ASCC3: variants seen among roughly 807,000 people sequenced by gnomAD.
The protein encoded by ASCC3 is activating signal cointegrator 1 complex subunit 3.
In ASCC3, 158 loss-of-function variants were observed where a neutral mutation model predicts 256.3. That is an observed-to-expected ratio of 0.62 (90% CI 0.54 to 0.70). The LOEUF is 0.70. Among genes scored for constraint, ASCC3 ranks in the 30% least tolerant of loss-of-function variants. The pLI, the probability that ASCC3 is intolerant of heterozygous loss-of-function variation, is 0.00. For synonymous variants in ASCC3, 948 were observed against 883.4 expected (o/e 1.07, Z -1.30); for missense variants, 2,259 against 2,626.0 (o/e 0.86, Z 3.05).
chr6:100,862,655 A>G (rs1270455394), intron 3 of ASCC3, among the ~76,000 whole-genome samples: 2 of 152,198 alleles, frequency 1.3e-5, no homozygotes, highest in African/African-American at 4.8e-5. Flanking sequence ...ACCCTAAAAT[A>G]TTGTGGGTTC....
chr6:100,837,585 T>C (rs1245390351), intron 4 of ASCC3, among the ~76,000 whole-genome samples: 2 of 152,084 alleles, frequency 1.3e-5, no homozygotes, highest in Non-Finnish European at 2.9e-5. Context: ...TGCAACAACA[T>C]GGATGAACCT....
At chr6:100,726,499 A>G (rs537037228) in intron 10 of ASCC3, among the ~76,000 whole-genome samples, 48 of 152,078 alleles carry the variant, frequency 3.2e-4, no homozygotes, top group African/African-American at 1.2e-3. Context: ...TAATTTGAAA[A>G]TCCAAAATCC....
intron 26 of ASCC3, among the ~76,000 whole-genome samples, chr6:100,629,979 C>A (rs2114863864): frequency 6.6e-6 from 1 of 152,044 alleles, no homozygotes; most frequent in Admixed American, 6.5e-5. Flanking sequence ...CTCACTGCAA[C>A]CTCCACCTCC....
chr6:100,833,192 G>T (rs1009289710), intron 4 of ASCC3, among the ~76,000 whole-genome samples: 52 of 152,082 alleles, frequency 3.4e-4, no homozygotes, highest in Admixed American at 5.9e-4. Flanking sequence ...GCTAAGAAAA[G>T]AAACCAATCT....
At chr6:100,533,887 C>G (rs2114649723) in intron 37 of ASCC3, among the ~76,000 whole-genome samples, 1 of 152,292 alleles carries the variant, frequency 6.6e-6, no homozygotes, top group Middle Eastern at 3.4e-3. Flanking sequence ...GAATAAAAGT[C>G]CTGGAATCTC....
intron 4 of ASCC3, among the ~76,000 whole-genome samples, chr6:100,847,281 T>A (rs1304153222): frequency 1.3e-5 from 2 of 152,166 alleles, no homozygotes; most frequent in African/African-American, 2.4e-5. Flanking sequence ...TAAATCACAA[T>A]TTTTAAAACA....
rs1410180768 is a variant in ASCC3 at position 100,767,318 on chromosome 6, T to A, written c.1423A>T (p.Lys475Ter). ...ATTGACTGGATTCTATTGAGTCTCTTCATTCCTTTAAAAGCCAGCTGTCCG... is the reference window on the plus strand; with the variant it reads ...ATTGACTGGATTCTATTGAGTCTCTACATTCCTTTAAAAGCCAGCTGTCCG... ...EIGQLAFKGM[K>*]RLNRIQSIVF... is the part of the protein sequence containing the mutation. Residue 475 changes from lysine (K) to a stop codon, truncating the protein, a stop_gained, in exon 9 of 42, where the codon AAG (lysine) becomes TAG (stop). Coordinates refer to ENST00000369162, the MANE Select transcript of ASCC3 (RefSeq NM_006828.4). LOFTEE classifies it high-confidence loss of function. 3.7e-6 allele frequency: 6 copies of A among 1,604,818 alleles called. No homozygotes were observed. The highest frequency in any genetic ancestry group is 5.1e-6 in the Non-Finnish European group (6 of 1,177,924).
At chr6:100,554,148 T>A (rs147455789) in intron 36 of ASCC3, among the ~76,000 whole-genome samples, 1 of 152,330 alleles carries the variant, frequency 6.6e-6, no homozygotes, top group African/African-American at 2.4e-5. Flanking sequence ...TTTAGATTTG[T>A]TAAAATAAGA....
intron 1 of ASCC3, among the ~76,000 whole-genome samples, chr6:100,873,436 C>T (rs1261969762): frequency 1.3e-5 from 2 of 152,096 alleles, no homozygotes; most frequent in Non-Finnish European, 2.9e-5. Flanking sequence ...GAAATCTAAA[C>T]GTTTGGAAAA....
intron 36 of ASCC3, among the ~76,000 whole-genome samples, chr6:100,543,031 T>C (rs1021350528): frequency 1.3e-5 from 2 of 152,188 alleles, no homozygotes; most frequent in Non-Finnish European, 2.9e-5. Context: ...GAGTTTATTA[T>C]CTACATAATA....
At chr6:100,806,080 C>T (rs1021355242) in intron 4 of ASCC3, among the ~76,000 whole-genome samples, 200 bp from the exon 5 acceptor site, 2 of 151,952 alleles carry the variant, frequency 1.3e-5, no homozygotes, top group Non-Finnish European at 2.9e-5. Flanking sequence ...TCTGCAATTA[C>T]ATAATTAAAA....
chr6:100,858,776 C>T, intron 3 of ASCC3: 2 of 815,506 alleles, frequency 2.5e-6, no homozygotes, highest in Non-Finnish European at 3.2e-6. Context: ...TACATAGCCA[C>T]AACATTATCA....
At chr6:100,826,681 C>T (rs533097224) in intron 4 of ASCC3, among the ~76,000 whole-genome samples, 1 of 152,252 alleles carries the variant, frequency 6.6e-6, no homozygotes, top group African/African-American at 2.4e-5. Flanking sequence ...TGAAGGCCTG[C>T]TCCCACACTG....
At chr6:100,720,606 G>C (rs1377215664) in intron 11 of ASCC3, among the ~76,000 whole-genome samples, 1 of 151,736 alleles carries the variant, frequency 6.6e-6, no homozygotes, top group African/African-American at 2.4e-5. Flanking sequence ...GGAACCTCTG[G>C]TAGCTGATGA....
At chr6:100,880,504 A>G (rs748879501) in intron 1 of ASCC3, among the ~76,000 whole-genome samples, 1 of 152,246 alleles carries the variant, frequency 6.6e-6, no homozygotes, top group African/African-American at 2.4e-5. Context: ...AAGTTAATTT[A>G]TAAGAAACCT....
rs184862274 is a variant in ASCC3 at position 100,567,836 on chromosome 6, T to A, written c.5550+21798A>T. On this transcript the variant is annotated intron_variant, in intron 36 of 41. Transcript: ENST00000369162. ...GGTTGATTCAATGTCTTTGCTACTG[T>A]GAGTAATGCTGAGATAAACATGTGA... is the stretch of plus-strand genomic sequence containing the variant. Among the ~76,000 whole-genome samples the A allele has an allele frequency of 7.9e-5, 12 of 152,322 alleles. No homozygotes were observed. The East Asian group carries it at 2.3e-3, about 29-fold the overall frequency.
chr6:100,596,213 T>C (rs1439562740), intron 34 of ASCC3, among the ~76,000 whole-genome samples: 2 of 152,176 alleles, frequency 1.3e-5, no homozygotes, highest in Non-Finnish European at 2.9e-5. Context: ...AGCCTTATGA[T>C]CTCTATGTTG....
intron 8 of ASCC3, among the ~76,000 whole-genome samples, chr6:100,796,155 A>G (rs1039943631): frequency 3.9e-5 from 6 of 152,242 alleles, no homozygotes; most frequent in Admixed American, 6.5e-5. Flanking sequence ...ACATAAAAAT[A>G]TAAGTGGCTA....
chr6:100,818,711 G>C (rs1270587007), intron 4 of ASCC3, among the ~76,000 whole-genome samples: 1 of 130,658 alleles, frequency 7.7e-6, no homozygotes, highest in African/African-American at 2.9e-5. Context: ...ATTCAACACT[G>C]TACTGTAGGT....
Sources: gnomAD v4.1 joint callset for allele counts (sites outside exome capture counted in the v4.1 genomes callset) on GRCh38, gnomAD v4.1.1 for gene constraint, MANE v1.5 for transcripts, NCBI Gene and HGNC (gene_info 2026-07-23, HGNC 2026-07-21) for gene names.